Variants in GPC6 observed in about 807,000 individuals in gnomAD.
GPC6 encodes glypican 6.
Under a neutral mutation model 55.2 loss-of-function variants are expected in GPC6, and 14 were observed. The ratio of observed to expected loss-of-function variants is 0.25; its 90% confidence interval spans 0.17 to 0.40. GPC6 has a LOEUF of 0.40. Ranked by LOEUF, GPC6 falls within the 10% of genes least tolerant of loss-of-function variation. The probability of loss-of-function intolerance (pLI) is 1.00; values close to 1 mark genes in which losing one functional copy is unlikely to be tolerated. For missense variants in GPC6, 641 were observed against 708.5 expected, an observed-to-expected ratio of 0.90 and a Z score of 1.08; for synonymous variants, 278 against 259.6, an observed-to-expected ratio of 1.07 and a Z score of -0.68.
intron 4 of GPC6, among the ~76,000 whole-genome samples, chr13:94,256,671 AT>A (rs982041197): frequency 6.6e-6 from 1 of 152,140 alleles, no homozygotes; most frequent in African/African-American, 2.4e-5. Flanking sequence ...CTTAGATTCT[AT>A]TCTACAGGAT....
intron 1 of GPC6, among the ~76,000 whole-genome samples, chr13:93,270,391 A>G (rs748472412): frequency 4.6e-5 from 7 of 152,072 alleles, no homozygotes; most frequent in Non-Finnish European, 8.8e-5. Flanking sequence ...TTACATATGT[A>G]TATCTTTATA....
chr13:94,339,749 TCC>T (rs1877925009), intron 6 of GPC6, among the ~76,000 whole-genome samples: 6 of 143,774 alleles, frequency 4.2e-5, no homozygotes, highest in Non-Finnish European at 7.6e-5. Context: ...CTGCATACTT[TCC>T]TTTTTTTTTT....
At chr13:93,825,487 T>C (rs1005796400) in intron 2 of GPC6, among the ~76,000 whole-genome samples, 1 of 152,194 alleles carries the variant, frequency 6.6e-6, no homozygotes, top group Non-Finnish European at 1.5e-5. Context: ...CTCTACTTAC[T>C]TTCAAGGTCC....
At chr13:93,606,450 AATC>A (rs1289614045) in intron 2 of GPC6, among the ~76,000 whole-genome samples, 6 of 152,218 alleles carry the variant, frequency 3.9e-5, no homozygotes, top group Non-Finnish European at 7.3e-5. Flanking sequence ...ATGTCTGTGT[AATC>A]ATCAATTAGT....
chr13:93,939,548 G>A (rs759113304), intron 3 of GPC6, among the ~76,000 whole-genome samples: 15 of 151,476 alleles, frequency 9.9e-5, no homozygotes, highest in Non-Finnish European at 1.6e-4. Flanking sequence ...TTAGAGTTAC[G>A]TTTTTTTTCA....
intron 3 of GPC6, among the ~76,000 whole-genome samples, chr13:93,909,468 T>G (rs780904980): frequency 1.5e-4 from 22 of 151,406 alleles, no homozygotes; most frequent in Admixed American, 1.1e-3. Context: ...ATGGTAACTA[T>G]CAAAAAAAAA....
intron 3 of GPC6, among the ~76,000 whole-genome samples, chr13:93,877,153 T>C (rs1230369466): frequency 1.3e-5 from 2 of 152,082 alleles, no homozygotes; most frequent in Non-Finnish European, 2.9e-5. Flanking sequence ...ATCGAATATG[T>C]TATTAGCACT....
chr13:94,314,476 T>C (rs1460834646), intron 6 of GPC6, among the ~76,000 whole-genome samples: 1 of 152,236 alleles, frequency 6.6e-6, no homozygotes, highest in Non-Finnish European at 1.5e-5. Flanking sequence ...ATCTGCGCAC[T>C]CGTTTCACGG....
intron 4 of GPC6, among the ~76,000 whole-genome samples, chr13:94,144,359 T>C (rs1045479393): frequency 2.0e-5 from 3 of 151,496 alleles, no homozygotes; most frequent in African/African-American, 4.9e-5. Flanking sequence ...CTGCTGTCCA[T>C]TCGTACAACC....
chr13:93,708,427 T>G (rs1882932050), intron 2 of GPC6, among the ~76,000 whole-genome samples: 1 of 151,806 alleles, frequency 6.6e-6, no homozygotes, highest in Non-Finnish European at 1.5e-5. Context: ...ACAAATGTCT[T>G]AAATGGCATT....
chr13:94,170,487 A>G (rs955102409), intron 4 of GPC6, among the ~76,000 whole-genome samples: 1 of 152,148 alleles, frequency 6.6e-6, no homozygotes, highest in Non-Finnish European at 1.5e-5. Context: ...TGTGCTGGCC[A>G]TTGGGGAGAG....
chr13:93,869,891 G>A (rs922372590), intron 3 of GPC6, among the ~76,000 whole-genome samples: 1 of 151,822 alleles, frequency 6.6e-6, no homozygotes, highest in Non-Finnish European at 1.5e-5. Context: ...CTCCACAGCT[G>A]GTTTTAAAAG....
chr13:93,400,482 G>A (rs533343263), intron 1 of GPC6, among the ~76,000 whole-genome samples: 96 of 151,880 alleles, frequency 6.3e-4, no homozygotes, highest in African/African-American at 2.2e-3. Context: ...GTGGGGGGAG[G>A]TGGGGATGGT....
chr13:94,239,677 G>A (rs556773696), intron 4 of GPC6, among the ~76,000 whole-genome samples: 7 of 152,264 alleles, frequency 4.6e-5, no homozygotes, highest in Non-Finnish European at 7.4e-5. Context: ...CTTGCGAAAT[G>A]ATAGTTTCCT....
chr13:93,588,692 C>CTGAT (rs1877322318), intron 2 of GPC6, among the ~76,000 whole-genome samples: 3 of 152,056 alleles, frequency 2.0e-5, no homozygotes, highest in African/African-American at 7.2e-5. Context: ...AGAGCAATGC[C>CTGAT]ACACACTTTT....
chr13:93,588,486 A>G (rs1877311108), intron 2 of GPC6, among the ~76,000 whole-genome samples: 1 of 152,088 alleles, frequency 6.6e-6, no homozygotes, highest in South Asian at 2.1e-4. Flanking sequence ...GCTTATATAA[A>G]CCTACCTTCC....
chr13:93,839,427 A>G (rs1182172303), intron 3 of GPC6, among the ~76,000 whole-genome samples: 8 of 152,136 alleles, frequency 5.3e-5, no homozygotes, highest in African/African-American at 1.9e-4. Flanking sequence ...TGTGAGCGGC[A>G]TATTAGTTGT....
chr13:94,288,806 T>TTTA (rs1874707406), intron 5 of GPC6, among the ~76,000 whole-genome samples: 1 of 72,508 alleles, frequency 1.4e-5, no homozygotes, highest in African/African-American at 8.0e-5. Context: ...TATATATTTG[T>TTTA]TATATATAAT....
At chr13:93,315,397 A>G (rs1247828458) in intron 1 of GPC6, among the ~76,000 whole-genome samples, 1 of 151,978 alleles carries the variant, frequency 6.6e-6, no homozygotes, top group African/African-American at 2.4e-5. Flanking sequence ...ATAAGTTTAG[A>G]AAATACTCTT....
Sources: allele counts gnomAD v4.1 joint callset (sites outside exome capture counted in the v4.1 genomes callset), GRCh38; gene constraint gnomAD v4.1.1; transcripts MANE v1.5; gene names NCBI Gene and HGNC (gene_info 2026-07-23, HGNC 2026-07-21).